The following SNX29 variants were observed in gnomAD, a reference collection of about 807,000 sequenced individuals.
SNX29 encodes the protein sorting nexin-29.
Under a neutral mutation model 102.1 loss-of-function variants are expected in SNX29, and 78 were observed. That is an observed-to-expected ratio of 0.76 (90% CI 0.64 to 0.92). SNX29 has a LOEUF of 0.92. Among genes scored for constraint, SNX29 ranks in the 40% least tolerant of loss-of-function variants. SNX29 has a pLI of 0.00. For synonymous variants in SNX29, 580 were observed against 414.5 expected (o/e 1.40, Z -4.85); for missense variants, 1,280 against 1,061.7 (o/e 1.21, Z -2.86).
At chr16:12,451,324 C>T (rs1381602329) in intron 18 of SNX29, among the ~76,000 whole-genome samples, 5 of 152,326 alleles carry the variant, frequency 3.3e-5, no homozygotes, top group South Asian at 4.1e-4. Context: ...GTTTATGTTT[C>T]GTCTCCTTGG....
At chr16:12,143,445 A>C (rs186140639) in intron 13 of SNX29, among the ~76,000 whole-genome samples, 1 of 152,242 alleles carries the variant, frequency 6.6e-6, no homozygotes, top group East Asian at 1.9e-4. Context: ...CAAGTGAGGC[A>C]CCTACGCTGC....
intron 20 of SNX29, among the ~76,000 whole-genome samples, chr16:12,539,280 C>T (rs1237979475): frequency 6.6e-6 from 1 of 152,012 alleles, no homozygotes; most frequent in African/African-American, 2.4e-5. Context: ...CTAGCTGCAC[C>T]CTCCCCCACC....
intron 15 of SNX29, among the ~76,000 whole-genome samples, chr16:12,332,184 A>G (rs2081309681): frequency 6.6e-6 from 1 of 152,168 alleles, no homozygotes; most frequent in Non-Finnish European, 1.5e-5. Context: ...TGGTCAGGGA[A>G]AATGAACTTT....
chr16:12,388,169 G>A lies in SNX29; in HGVS notation c.1900-10277G>A, dbSNP rs142166763. 7.7e-4 allele frequency among the ~76,000 whole-genome samples: 117 copies of A among 152,212 alleles called. 1 individual carries two copies. The East Asian group carries it at 0.012, about 16-fold the overall frequency. On this transcript the variant is annotated intron_variant, in intron 16 of 20. Coordinates refer to ENST00000566228, the MANE Select transcript of SNX29 (RefSeq NM_032167.5). ...GGAGATGAGCCCGAATTCTTTTTCC[G>A]CACCCATGTTTCTTCTGGGGGAGAC... is the stretch of plus-strand genomic sequence containing the variant.
At chr16:12,031,444 T>G (rs1443173353) in intron 4 of SNX29, among the ~76,000 whole-genome samples, 2 of 152,018 alleles carry the variant, frequency 1.3e-5, no homozygotes, top group African/African-American at 4.8e-5. Flanking sequence ...GTTCTTTCCC[T>G]TCTGCTACCT....
chr16:12,469,969 C>T (rs991014248), intron 18 of SNX29, among the ~76,000 whole-genome samples: 4 of 152,228 alleles, frequency 2.6e-5, no homozygotes, highest in Non-Finnish European at 4.4e-5. Flanking sequence ...GCTGAGATCG[C>T]GCCATTGCAC....
At chr16:12,549,555 G>A (rs920373770) in intron 20 of SNX29, among the ~76,000 whole-genome samples, 10 of 152,154 alleles carry the variant, frequency 6.6e-5, no homozygotes, top group African/African-American at 2.4e-4. Flanking sequence ...GCATGGAGTG[G>A]GCTTCCACCC....
intron 18 of SNX29, among the ~76,000 whole-genome samples, chr16:12,475,027 G>A (rs2087526105): frequency 6.6e-6 from 1 of 152,208 alleles, no homozygotes; most frequent in Non-Finnish European, 1.5e-5. Flanking sequence ...CTCCATCTGT[G>A]GGGTGGTCCA....
intron 19 of SNX29, among the ~76,000 whole-genome samples, chr16:12,479,027 G>A (rs1470113024): frequency 6.6e-6 from 1 of 152,220 alleles, no homozygotes; most frequent in African/African-American, 2.4e-5. Flanking sequence ...TATTGAGCAT[G>A]ATCTCTCTGC....
At chr16:12,234,638 A>T (rs930807566) in intron 14 of SNX29, among the ~76,000 whole-genome samples, 2 of 151,984 alleles carry the variant, frequency 1.3e-5, no homozygotes, top group African/African-American at 4.8e-5. Flanking sequence ...TCTTTAAAGC[A>T]GTGTTTCTGT....
At chr16:12,089,401 G>A (rs745888001) in intron 11 of SNX29, among the ~76,000 whole-genome samples, 2 of 152,100 alleles carry the variant, frequency 1.3e-5, no homozygotes, top group Non-Finnish European at 2.9e-5. Context: ...AGTGTCCATA[G>A]TATAATATGA....
chr16:12,529,439 C>G (rs1009476643), intron 20 of SNX29, among the ~76,000 whole-genome samples: 2 of 152,204 alleles, frequency 1.3e-5, no homozygotes, highest in Non-Finnish European at 2.9e-5. Flanking sequence ...CAAGAATTCG[C>G]TCAGTGAGAC....
At chr16:12,081,054 A>G (rs2051850055) in intron 11 of SNX29, among the ~76,000 whole-genome samples, 2 of 152,150 alleles carry the variant, frequency 1.3e-5, no homozygotes, top group African/African-American at 4.8e-5. Context: ...GCTTTATCTC[A>G]CTACTGTAAA....
rs533805025 is a variant in SNX29, at chr16:12,280,266, A to G, written c.1782+2230A>G. 2.6e-5 allele frequency among the ~76,000 whole-genome samples: 4 copies of G among 152,310 alleles called. No homozygotes were observed. In the South Asian group the frequency reaches 6.2e-4, roughly 24 times the overall value. The stretch of plus-strand genomic sequence containing the variant: ...GGGAACAGAGTAGATGAGGGGAGAA[A>G]GGTGATGCTGTGGCTGTGTCCTGGC... On this transcript the variant is annotated intron_variant, in intron 15 of 20. Coordinates refer to ENST00000566228, the MANE Select transcript of SNX29 (RefSeq NM_032167.5).
chr16:12,192,639 G>A (rs2076672075), intron 13 of SNX29, among the ~76,000 whole-genome samples: 1 of 151,018 alleles, frequency 6.6e-6, no homozygotes, highest in African/African-American at 2.4e-5. Flanking sequence ...AGCCTCTGGA[G>A]AAGCTGGGAC....
intron 3 of SNX29, among the ~76,000 whole-genome samples, chr16:12,014,264 T>C (rs2056774589): frequency 6.6e-6 from 1 of 152,100 alleles, no homozygotes; most frequent in African/African-American, 2.4e-5. Flanking sequence ...CCATTCTCTT[T>C]TTCCGTTTTG....
At chr16:12,508,222 C>T (rs976733752) in intron 19 of SNX29, among the ~76,000 whole-genome samples, 1 of 152,090 alleles carries the variant, frequency 6.6e-6, no homozygotes, top group Non-Finnish European at 1.5e-5. Context: ...AGGGAGGAGT[C>T]CAGAGAATCG....
chr16:12,559,583 G>T (rs2078595151), intron 20 of SNX29, among the ~76,000 whole-genome samples: 1 of 151,734 alleles, frequency 6.6e-6, no homozygotes, highest in South Asian at 2.1e-4. Flanking sequence ...ACTCATCCCT[G>T]GTGCCAAAAA....
At chr16:12,007,254 C>T (rs968488282) in intron 3 of SNX29, among the ~76,000 whole-genome samples, 7 of 152,190 alleles carry the variant, frequency 4.6e-5, no homozygotes, top group African/African-American at 9.7e-5. Flanking sequence ...CCTATAATCC[C>T]AGCCTTTTGG....
Sources: allele counts gnomAD v4.1 joint callset (sites outside exome capture counted in the v4.1 genomes callset), GRCh38; gene constraint gnomAD v4.1.1; transcripts MANE v1.5; gene names NCBI Gene and HGNC (gene_info 2026-07-23, HGNC 2026-07-21).